The following ABHD2 variants were observed in gnomAD, a reference collection of about 807,000 sequenced individuals.
ABHD2 encodes monoacylglycerol lipase ABHD2.
A neutral mutation model predicts 48.1 loss-of-function variants in ABHD2; 20 were observed. The observed-to-expected ratio is 0.42, with a 90% CI of 0.29 to 0.60. The LOEUF (loss-of-function observed/expected upper bound fraction) is 0.60. Among genes scored for constraint, ABHD2 ranks in the 20% least tolerant of loss-of-function variants. The probability of loss-of-function intolerance (pLI) is 0.24; values close to 1 mark genes in which losing one functional copy is unlikely to be tolerated. For synonymous variants in ABHD2, 209 were observed against 214.2 expected, an observed-to-expected ratio of 0.98 and a Z score of 0.21; for missense variants, 405 against 550.9, an observed-to-expected ratio of 0.74 and a Z score of 2.65.
Position 89,116,618 on chromosome 15 carries a change from C to T in ABHD2, c.194+97C>T. 1 of 1,316,716 alleles carries T rather than the reference C, an allele frequency of 7.6e-7. No individual in the cohort carries two copies. Among genetic ancestry groups the T allele is most frequent in the African/African-American group, 1.5e-5 (1 of 67,902 alleles). 81.6% of individuals were successfully genotyped at this position (1,316,716 alleles called of 1,614,324 possible). On this transcript the variant is annotated intron_variant, in intron 3 of 10. Transcript: ENST00000352732. This position sits in a 1 kb window ranked among gnomAD's most constrained non-coding sequence, Gnocchi z 4.6. ...AACTTCTCTCATCGTGTCCTTAAGGCATCAATGGGATATGACGTCACTGGT... is the reference window on the plus strand; with the variant it reads ...AACTTCTCTCATCGTGTCCTTAAGGTATCAATGGGATATGACGTCACTGGT...
At chr15:89,095,793 A>C (rs1030325696) in intron 1 of ABHD2, among the ~76,000 whole-genome samples, 2 of 152,240 alleles carry the variant, frequency 1.3e-5, no homozygotes, top group Admixed American at 1.3e-4. Context: ...TTGGGTTCTC[A>C]TTAGATTACA....
rs771463693 is a variant in ABHD2, at chr15:89,166,692, A to G, written c.539-9120A>G. On this transcript the variant is annotated intron_variant, in intron 5 of 10. Coordinates refer to ENST00000352732, the MANE Select transcript of ABHD2 (RefSeq NM_152924.5). This position sits in a 1 kb window ranked among gnomAD's most constrained non-coding sequence, Gnocchi z 4.6. Reference sequence around the variant, plus strand: ...ATAAATTAGCTGGGCATGGTGGCTCATGTCTGTAGTCCCGGCTACTCTAGA... The same window carrying G: ...ATAAATTAGCTGGGCATGGTGGCTCGTGTCTGTAGTCCCGGCTACTCTAGA... Among the ~76,000 whole-genome samples, 2 of 152,098 alleles carry G rather than the reference A, an allele frequency of 1.3e-5. No homozygotes were observed. Among genetic ancestry groups the G allele is most frequent in the Non-Finnish European group, 2.9e-5 (2 of 68,034 alleles).
chr15:89,147,558 T>C lies in ABHD2; in HGVS notation c.195-4119T>C, dbSNP rs367895926. Among the ~76,000 whole-genome samples, 125 of 151,270 alleles carry C rather than the reference T, an allele frequency of 8.3e-4. 3 individuals carry two copies. In the East Asian group the frequency reaches 0.012, roughly 15 times the overall value. ...TCAGTAGAGACGGGGTTTCACCGTG[T>C]TAGCCAGGATGGTCTCGATCTCCTG... On this transcript the variant is annotated intron_variant, in intron 3 of 10. Coordinates refer to ENST00000352732, the MANE Select transcript of ABHD2 (RefSeq NM_152924.5).
the ABHD2 span, among the ~76,000 whole-genome samples, chr15:89,069,097 C>G: frequency 2.3e-4 from 32 of 138,554 alleles, no homozygotes; most frequent in African/African-American, 8.9e-4. Context: ...GTCTGGCAAG[C>G]TCTTTTTTTC....
chr15:89,049,061 T>G, the ABHD2 span, among the ~76,000 whole-genome samples: 1 of 152,172 alleles, frequency 6.6e-6, no homozygotes, highest in South Asian at 2.1e-4. Flanking sequence ...AGATGGGTTT[T>G]TGGTGTGGAT....
At chr15:89,161,585 G>A (rs971731587) in intron 5 of ABHD2, among the ~76,000 whole-genome samples, 8 of 152,078 alleles carry the variant, frequency 5.3e-5, no homozygotes, top group African/African-American at 1.9e-4. Context: ...ATATTTAGTA[G>A]AGACAGGGTT....
chr15:89,152,204 T>C (rs1244999858), intron 4 of ABHD2, among the ~76,000 whole-genome samples: 3 of 151,588 alleles, frequency 2.0e-5, no homozygotes, highest in African/African-American at 7.3e-5. Flanking sequence ...GCCTCCCGAG[T>C]AGCTGGGACT....
the ABHD2 span, among the ~76,000 whole-genome samples, chr15:89,050,087 C>T: frequency 2.6e-5 from 4 of 152,116 alleles, no homozygotes; most frequent in Non-Finnish European, 5.9e-5. Context: ...ATAGAGAAGA[C>T]AAAATGTCTT....
the ABHD2 span, among the ~76,000 whole-genome samples, chr15:89,071,288 T>C: frequency 6.6e-6 from 1 of 152,172 alleles, no homozygotes; most frequent in African/African-American, 2.4e-5. Context: ...GGGCATGGTG[T>C]CAAGCGCCTA....
chr15:89,072,195 G>T, the ABHD2 span, among the ~76,000 whole-genome samples: 1 of 152,186 alleles, frequency 6.6e-6, no homozygotes, highest in Non-Finnish European at 1.5e-5. Flanking sequence ...AAATGTTTGG[G>T]CCAGGTGCAG....
the ABHD2 span, among the ~76,000 whole-genome samples, chr15:89,058,358 C>T: frequency 6.6e-6 from 1 of 152,178 alleles, no homozygotes; most frequent in Non-Finnish European, 1.5e-5. Flanking sequence ...ACTCCTAGTA[C>T]CTAGCATGTG....
chr15:89,178,605 C>T (rs956548459), intron 6 of ABHD2, among the ~76,000 whole-genome samples: 2 of 152,214 alleles, frequency 1.3e-5, no homozygotes, highest in Non-Finnish European at 2.9e-5. Flanking sequence ...AGCCAGCCAC[C>T]CGCTTGCTGT....
rs2049720653 is a variant in ABHD2, at chr15:89,102,728, C to T, written c.-106-10997C>T. On this transcript the variant is annotated intron_variant, in intron 1 of 10. Transcript: ENST00000352732. This position sits in a 1 kb window ranked among gnomAD's most constrained non-coding sequence, Gnocchi z 4.8. ...GGGAAAGCCCAGCGGAGGAAGAGCTCCTGAGGAGTGAGTGGCGTAGCTATC... is the reference window on the plus strand; with the variant it reads ...GGGAAAGCCCAGCGGAGGAAGAGCTTCTGAGGAGTGAGTGGCGTAGCTATC... Among the ~76,000 whole-genome samples, 1 of 152,216 alleles carries T rather than the reference C, an allele frequency of 6.6e-6. No homozygotes were observed. The highest frequency in any genetic ancestry group is 1.5e-5 in the Non-Finnish European group (1 of 68,046).
the ABHD2 span, chr15:89,070,238 T>G: frequency 6.6e-6 from 1 of 152,212 alleles, no homozygotes; most frequent in Non-Finnish European, 1.5e-5. Flanking sequence ...AAGTGACATG[T>G]GTTCATTCTG....
chr15:89,135,552 ATCATCT>A (rs2050294591), intron 3 of ABHD2: 6 of 1,435,744 alleles, frequency 4.2e-6, no homozygotes, highest in Middle Eastern at 2.4e-4. Flanking sequence ...CTTATTCATC[ATCATCT>A]TCATCTTCCT....
chr15:89,081,837 C>T, the ABHD2 span, among the ~76,000 whole-genome samples: 2 of 152,108 alleles, frequency 1.3e-5, no homozygotes, highest in African/African-American at 4.8e-5. Context: ...GGCAACAGAG[C>T]AAGACTCTGT....
intron 3 of ABHD2, among the ~76,000 whole-genome samples, chr15:89,138,379 A>G (rs887332856): frequency 1.3e-5 from 2 of 152,198 alleles, no homozygotes; most frequent in African/African-American, 2.4e-5. Context: ...GTAAAAATGT[A>G]TCCCCAAATC....
chr15:89,121,247 G>A (rs2050045875), intron 3 of ABHD2, among the ~76,000 whole-genome samples: 1 of 152,158 alleles, frequency 6.6e-6, no homozygotes. Context: ...TGAAATAGGT[G>A]TGTCTCCCAT....
chr15:89,136,879 G>A (rs992353219), intron 3 of ABHD2, among the ~76,000 whole-genome samples: 1 of 152,228 alleles, frequency 6.6e-6, no homozygotes, highest in Non-Finnish European at 1.5e-5. Flanking sequence ...TGGACAAAGA[G>A]CAGACCATTG....
Sources: gnomAD v4.1 joint callset for allele counts (sites outside exome capture counted in the v4.1 genomes callset) on GRCh38, gnomAD v4.1.1 for gene constraint, Gnocchi (gnomAD v3.1) non-coding constraint, MANE v1.5 for transcripts, NCBI Gene and HGNC (gene_info 2026-07-23, HGNC 2026-07-21) for gene names.